MYH4: variants seen among roughly 807,000 people sequenced by gnomAD.
MYH4 encodes myosin-4.
In MYH4, 200 loss-of-function variants were observed where a neutral mutation model predicts 229.9. That is an observed-to-expected ratio of 0.87 (90% confidence interval 0.78 to 0.98). The LOEUF is 0.98. MYH4 is among the 50% of genes least tolerant of loss of function. The pLI, the probability that MYH4 is intolerant of heterozygous loss-of-function variation, is 0.00. For synonymous variants in MYH4, 761 were observed against 834.6 expected (o/e 0.91, Z 1.52); for missense variants, 2,148 against 2,332.6 (o/e 0.92, Z 1.63).
In MYH4 at chr17:10,462,860, C is replaced by T. The variant is rs748933300; in HGVS notation, c.1008+5G>A. The T allele has an allele frequency of 6.2e-7, 1 of 1,610,172 alleles. No individual in the cohort carries two copies. The highest frequency in any genetic ancestry group is 2.2e-5 in the East Asian group (1 of 44,866). On this transcript the variant is annotated splice_donor_5th_base_variant and intron_variant, in intron 11 of 39. Coordinates refer to ENST00000255381, the MANE Select transcript of MYH4 (RefSeq NM_017533.2). ...ACTTTTTACTACTTTGTACCTATTA[C>T]TTACATCTGTGGCCATCAGCTCTTC...
chr17:10,463,164 G>C lies in MYH4; in HGVS notation c.830C>G (p.Thr277Ser). The change falls in exon 10 of 40, where the codon ACT becomes AGT. Residue 277 changes from threonine (T) to serine (S), a missense_variant. Physicochemically the swap from Thr to Ser is moderately conservative, Grantham distance 58 (BLOSUM62 1). Transcript: ENST00000255381. ...GCTTCTTTCAGCCTTTAGCTGAAAAGTAACTCGGGACTTCTCTAGCAGATC... is the reference window on the plus strand; with the variant it reads ...GCTTCTTTCAGCCTTTAGCTGAAAACTAACTCGGGACTTCTCTAGCAGATC... Reference protein sequence around the residue: ...ETYLLEKSRVTFQLKAERSYH... With the variant: ...ETYLLEKSRVSFQLKAERSYH... 1 of 1,613,416 alleles carries C rather than the reference G, an allele frequency of 6.2e-7. No individual in the cohort carries two copies. Among genetic ancestry groups the C allele is most frequent in the South Asian group, 1.1e-5 (1 of 91,058 alleles).
intron 14 of MYH4, 42 bp from the exon 15 acceptor site, chr17:10,459,463 A>G (rs1371914531): frequency 6.2e-7 from 1 of 1,614,130 alleles, no homozygotes; most frequent in Non-Finnish European, 8.5e-7. Flanking sequence ...CATAACAAGT[A>G]TTCTATCTAC....
Position 10,464,550 on chromosome 17 carries a change from CT to C in MYH4, c.569del (p.Lys190SerfsTer50). On this transcript the variant is annotated frameshift_variant, in exon 7 of 40. Coordinates refer to ENST00000255381, the MANE Select transcript of MYH4 (RefSeq NM_017533.2). LOFTEE classifies it high-confidence loss of function. ...ESGAGKTVNT[K>X]RVIQYFATIA... ...TTGTTGCAAAGTACTGGATGACACG[CT>C]TCGTGTTCACAGTCTTCCCTGCACC... The C allele has an allele frequency of 6.2e-7, 1 of 1,614,042 alleles. No homozygotes were observed. Among genetic ancestry groups the C allele is most frequent in the Non-Finnish European group, 8.5e-7 (1 of 1,179,952 alleles).
chr17:10,459,393 T>C lies in MYH4; in HGVS notation c.1445A>G (p.Asn482Ser). Residue 482 changes from asparagine to serine, a missense_variant, in exon 15 of 40, where the codon AAC becomes AGC. Transcript: ENST00000255381. ...CTGTTGCAGTTTCTCGTTGGTGAAGTTGATGCACAGCTGCTCCAGGCTGTT... is the reference window on the plus strand; with the variant it reads ...CTGTTGCAGTTTCTCGTTGGTGAAGCTGATGCACAGCTGCTCCAGGCTGTT... ...DFNSLEQLCI[N>S]FTNEKLQQFF... The C allele has an allele frequency of 4.3e-6, 7 of 1,614,182 alleles. No individual in the cohort carries two copies. Among genetic ancestry groups the C allele is most frequent in the Non-Finnish European group, 5.9e-6 (7 of 1,180,032 alleles).
In MYH4 at chr17:10,452,414, A is replaced by G; in HGVS notation, c.3348+2T>C. 6.2e-7 allele frequency: 1 copy of G among 1,614,040 alleles called. No homozygotes were observed. The highest frequency in any genetic ancestry group is 8.5e-7 in the Non-Finnish European group (1 of 1,179,974). ...CCAGAAAAGGTGGAGGTTATAACTT[A>G]CCTGTAATTCTTTGATCTTCTTTTG... is the stretch of plus-strand genomic sequence containing the variant. On this transcript the variant is annotated splice_donor_variant, in intron 26 of 39. Coordinates refer to ENST00000255381, the MANE Select transcript of MYH4 (RefSeq NM_017533.2). LOFTEE classifies it high-confidence loss of function.
intron 24 of MYH4, 70 bp from the exon 25 acceptor site, chr17:10,453,002 A>G: frequency 6.3e-7 from 1 of 1,586,490 alleles, no homozygotes; most frequent in South Asian, 1.2e-5. Context: ...GCCTTCAAAG[A>G]TACATAAGAA....
chr17:10,460,011 T>C lies in MYH4; in HGVS notation c.1357A>G (p.Lys453Glu), dbSNP rs1338813685. 3 of 1,614,016 alleles carry C rather than the reference T, an allele frequency of 1.9e-6. No homozygotes were observed. The highest frequency in any genetic ancestry group is 2.5e-6 in the Non-Finnish European group (3 of 1,179,992). ...CCGATGAAGTACTGCCTGGGCTGCT[T>C]GGTGTCCAGCTGCTGGTTGATGCGG... ...VTRINQQLDT[K>E]QPRQYFIGVL... is the part of the protein sequence containing the mutation. The change falls in exon 14 of 40, where the codon AAG becomes GAG. Residue 453 changes from lysine (K) to glutamate (E), a missense_variant. By Grantham distance (56) the Lys-to-Glu change is moderately conservative. Transcript: ENST00000255381.
rs757257105 is a variant in MYH4, at chr17:10,457,509, G to A, written c.1808C>T (p.Pro603Leu). ...IAGWLDKNKDPLNETVVGLYQ... is the reference protein window; with the variant it reads ...IAGWLDKNKDLLNETVVGLYQ... The stretch of plus-strand genomic sequence containing the variant: ...CAGCCCCACCACAGTCTCATTCAGG[G>A]GGTCCTTGTTTTTGTCCAGCCAGCC... Residue 603 changes from proline to leucine, a missense_variant, in exon 16 of 40, where the codon CCC becomes CTC. Physicochemically the swap from Pro to Leu is moderately conservative, Grantham distance 98. Coordinates refer to ENST00000255381, the MANE Select transcript of MYH4 (RefSeq NM_017533.2). The A allele has an allele frequency of 2.2e-5, 35 of 1,614,096 alleles. No homozygotes were observed. The highest frequency in any genetic ancestry group is 2.9e-5 in the Non-Finnish European group (34 of 1,180,044).
intron 7 of MYH4, 62 bp from the exon 8 acceptor site, chr17:10,463,705 C>CGGGCGCGGTGGCTCACGCCTGTAA: frequency 3.0e-6 from 4 of 1,321,416 alleles, no homozygotes; most frequent in Non-Finnish European, 4.3e-6. Context: ...TCCCATTGAC[C>CGGGCGCGGTGGCTCACGCCTGTAA]TCTTTCCCTT....
chr17:10,451,186 A>G, intron 28 of MYH4, 140 bp downstream of exon 28: 1 of 1,163,682 alleles, frequency 8.6e-7, no homozygotes, highest in Non-Finnish European at 1.2e-6. Flanking sequence ...TTACTGTCTC[A>G]TAATAAAAAG....
Position 10,443,505 on chromosome 17 carries a change from A to G in MYH4, c.5690T>C (p.Leu1897Pro). Residue 1897 changes from leucine to proline, a missense_variant, in exon 40 of 40, where the codon CTT becomes CCT. Physicochemically the swap from Leu to Pro is moderately conservative, Grantham distance 98. Transcript: ENST00000255381. This position sits in a 1 kb window ranked among gnomAD's most constrained non-coding sequence, Gnocchi z 4.6. ...GTGCTGGAGCTTGCGGAACTTGGCA[A>G]GGTTGACATTGGATTGTTCCTCCTG... ...EEAEEQSNVN[L>P]AKFRKLQHEL... 6.2e-7 allele frequency: 1 copy of G among 1,614,074 alleles called. No homozygotes were observed. The highest frequency in any genetic ancestry group is 8.5e-7 in the Non-Finnish European group (1 of 1,179,956).
chr17:10,453,620 C>A, intron 23 of MYH4, 23 bp downstream of exon 23: 1 of 1,612,790 alleles, frequency 6.2e-7, no homozygotes, highest in Non-Finnish European at 8.5e-7. Context: ...TATAAATATT[C>A]TAAAATGGAT....
In MYH4 at chr17:10,448,138, C is replaced by T. The variant is rs1472889194; in HGVS notation, c.4657-12G>A. 1.3e-6 allele frequency: 2 copies of T among 1,595,410 alleles called. No homozygotes were observed. Among genetic ancestry groups the T allele is most frequent in the Admixed American group, 1.8e-5 (1 of 56,932 alleles). On this transcript the variant is annotated splice_polypyrimidine_tract_variant and intron_variant, in intron 33 of 39. Transcript: ENST00000255381. ...TGCTCAAGAGATGCCTTAATAAAAGCAACATTTATTTAGGTTACCTAAAGA... is the reference window on the plus strand; with the variant it reads ...TGCTCAAGAGATGCCTTAATAAAAGTAACATTTATTTAGGTTACCTAAAGA...
Position 10,466,676 on chromosome 17 carries a change from G to T in MYH4, c.70C>A (p.Arg24=). Residue 24 remains arginine (R), a synonymous_variant, in exon 3 of 40, where the codon CGA becomes AGA. Transcript: ENST00000255381. ...APFLRKSEKE[R]IEAQNKPFDA... is the part of the protein sequence containing the mutation. The stretch of plus-strand genomic sequence containing the variant: ...AAAGGCTTGTTCTGAGCTTCAATTC[G>T]CTCCTTTTCAGACTTTCGGAGGAAA... 6 of 1,614,066 alleles carry T rather than the reference G, an allele frequency of 3.7e-6. No homozygotes were observed. Among genetic ancestry groups the T allele is most frequent in the African/African-American group, 1.3e-5 (1 of 74,992 alleles).
chr17:10,464,167 C>G (rs1281834077), intron 7 of MYH4, among the ~76,000 whole-genome samples: 1 of 151,934 alleles, frequency 6.6e-6, no homozygotes, highest in African/African-American at 2.4e-5. Flanking sequence ...TGCCTCCCTC[C>G]TACCCTTCCC....
intron 23 of MYH4, 123 bp downstream of exon 23, chr17:10,453,520 A>G: frequency 6.4e-7 from 1 of 1,567,164 alleles, no homozygotes; most frequent in Non-Finnish European, 8.7e-7. Context: ...TGAAGACTAA[A>G]GAGATGAAAT....
intron 34 of MYH4, 66 bp from the exon 35 acceptor site, chr17:10,447,282 T>C: frequency 7.2e-7 from 1 of 1,379,740 alleles, no homozygotes; most frequent in Non-Finnish European, 1.0e-6. Flanking sequence ...CTTATGGTCA[T>C]GTACACTCTT....
intron 11 of MYH4, among the ~76,000 whole-genome samples, chr17:10,462,465 G>A (rs1031085738): frequency 4.6e-5 from 7 of 152,180 alleles, no homozygotes; most frequent in Non-Finnish European, 1.0e-4. Flanking sequence ...GTTTACATGT[G>A]ACTGTAGAAG....
Position 10,455,313 on chromosome 17 carries a change from A to G in MYH4, c.2175-18T>C. On this transcript the variant is annotated intron_variant, in intron 19 of 39. Transcript: ENST00000255381. The stretch of plus-strand genomic sequence containing the variant: ...CCTTGTATCTGTCAGAATAAAAAGA[A>G]TATAAAAATGTGGTTTTTCTTCACT... 2 of 1,599,338 alleles carry G rather than the reference A, an allele frequency of 1.3e-6. No individual in the cohort carries two copies. Among genetic ancestry groups the G allele is most frequent in the Non-Finnish European group, 1.7e-6 (2 of 1,174,648 alleles).
Sources: allele counts gnomAD v4.1 joint callset (sites outside exome capture counted in the v4.1 genomes callset), GRCh38; gene constraint gnomAD v4.1.1; non-coding constraint Gnocchi (gnomAD v3.1); transcripts MANE v1.5; gene names NCBI Gene and HGNC (gene_info 2026-07-23, HGNC 2026-07-21).